DHRS9: variants seen among roughly 807,000 people sequenced by gnomAD.
DHRS9 encodes dehydrogenase/reductase SDR family member 9.
A neutral mutation model predicts 26.6 loss-of-function variants in DHRS9; 18 were observed. That is an observed-to-expected ratio of 0.68 (90% CI 0.47 to 1.00). The LOEUF (loss-of-function observed/expected upper bound fraction) is 1.00, where lower values mean the gene tolerates loss of function less well. Among genes scored for constraint, DHRS9 ranks in the 50% least tolerant of loss-of-function variants. The pLI is 0.00. For synonymous variants in DHRS9, 134 were observed against 141.1 expected (o/e 0.95, Z 0.36); for missense variants, 425 against 378.7 (o/e 1.12, Z -1.01).
At chr2:169,068,891 G>A (rs562364322), upstream of DHRS9, among the ~76,000 whole-genome samples, 13 of 152,234 alleles carry the variant, frequency 8.5e-5, no homozygotes, top group African/African-American at 2.2e-4. Flanking sequence ...TCCCCTCCTC[G>A]CCTGCGGCCT....
Position 169,095,578 on chromosome 2 carries a change from G to A in DHRS9, c.771G>A (p.Val257=), listed in dbSNP as rs1291125569. The change falls in exon 5 of 5, where the codon GTG becomes GTA. Residue 257 remains valine (V), a synonymous_variant. Coordinates refer to ENST00000674881, the MANE Select transcript of DHRS9 (RefSeq NM_001376924.1). ...LDKLKGNKSY[V]NMDLSPVVEC... ...AACTGAAAGGCAATAAATCCTATGT[G>A]AACATGGACCTCTCTCCGGTGGTAG... 6.2e-6 allele frequency: 10 copies of A among 1,613,722 alleles called. No individual in the cohort carries two copies. The highest frequency in any genetic ancestry group is 8.5e-6 in the Non-Finnish European group (10 of 1,179,878).
At chr2:169,079,989 GAAAGAAAGAA>G (rs1684123585) in intron 1 of DHRS9, among the ~76,000 whole-genome samples, 1 of 78,630 alleles carries the variant, frequency 1.3e-5, no homozygotes, top group Non-Finnish European at 2.6e-5. Flanking sequence ...GAGAGAGAAA[GAAAGAAAGAA>G]AGAAAGAAAG....
At chr2:169,093,590 G>A (rs1023138942) in intron 4 of DHRS9, among the ~76,000 whole-genome samples, 12 of 152,154 alleles carry the variant, frequency 7.9e-5, no homozygotes, top group Middle Eastern at 3.4e-3. Context: ...TATTGATACC[G>A]ATACTTTTTA....
chr2:169,094,195 AT>A (rs1391249208), intron 4 of DHRS9, among the ~76,000 whole-genome samples: 6 of 152,024 alleles, frequency 3.9e-5, no homozygotes, highest in African/African-American at 4.8e-5. Flanking sequence ...GGTGACAAAC[AT>A]TTTTTTCATA....
chr2:169,067,817 C>T (rs748353454), upstream of DHRS9, among the ~76,000 whole-genome samples: 5 of 152,108 alleles, frequency 3.3e-5, no homozygotes, highest in Non-Finnish European at 7.4e-5. Context: ...ATTAACTGAT[C>T]GCCTATGTGG....
intron 1 of DHRS9, among the ~76,000 whole-genome samples, chr2:169,079,952 A>C (rs1350857639): frequency 1.3e-5 from 1 of 75,908 alleles, no homozygotes; most frequent in African/African-American, 5.7e-5. Context: ...AGAGAGAGAG[A>C]GAGAGAGAGA....
At chr2:169,085,059 TC>T (rs967301148) in intron 3 of DHRS9, among the ~76,000 whole-genome samples, 1 of 152,146 alleles carries the variant, frequency 6.6e-6, no homozygotes, top group Non-Finnish European at 1.5e-5. Flanking sequence ...CATGTGGACA[TC>T]CAGTTTTCCT....
In DHRS9 at chr2:169,083,617, A is replaced by G. The variant is rs746739019; in HGVS notation, c.572+30A>G. 5 of 1,607,010 alleles carry G rather than the reference A, an allele frequency of 3.1e-6. No homozygotes were observed. The South Asian group carries it at 5.5e-5, about 18-fold the overall frequency. On this transcript the variant is annotated intron_variant, in intron 3 of 4. Coordinates refer to ENST00000674881, the MANE Select transcript of DHRS9 (RefSeq NM_001376924.1). ...ATCAAATTAATCAACTTATTAGGAA[A>G]CAATAGCTGCAAACGTTTACTGAAT...
intron 1 of DHRS9, among the ~76,000 whole-genome samples, chr2:169,077,181 G>A (rs1157889335): frequency 3.3e-5 from 5 of 152,166 alleles, no homozygotes; most frequent in Non-Finnish European, 7.4e-5. Flanking sequence ...TCTAGCTCTG[G>A]TGGAGGCTTG....
At chr2:169,071,683 A>C (rs1683808821) in intron 1 of DHRS9, among the ~76,000 whole-genome samples, 1 of 152,172 alleles carries the variant, frequency 6.6e-6, no homozygotes, top group Non-Finnish European at 1.5e-5. Context: ...GGGCAAATGT[A>C]ACTAACCAGA....
intron 2 of DHRS9, 96 bp downstream of exon 2, chr2:169,081,990 C>T (rs932760922): frequency 6.1e-5 from 76 of 1,255,670 alleles, no homozygotes; most frequent in South Asian, 3.5e-4. Context: ...AATGGCCTTT[C>T]GAGAAAATGT....
In DHRS9 at chr2:169,083,366, C is replaced by T. The variant is rs770007864; in HGVS notation, c.351C>T (p.Gly117=). 1.7e-5 allele frequency: 28 copies of T among 1,613,954 alleles called. No individual in the cohort carries two copies. In the Admixed American group the frequency reaches 2.2e-4, roughly 12 times the overall value. The change falls in exon 3 of 5, where the codon GGC becomes GGT. Residue 117 remains glycine (G), a synonymous_variant. Coordinates refer to ENST00000674881, the MANE Select transcript of DHRS9 (RefSeq NM_001376924.1). ...WGLINNAGVP[G]VLAPTDWLTL... The stretch of plus-strand genomic sequence containing the variant: ...TGATCAATAATGCTGGTGTTCCCGG[C>T]GTGCTGGCTCCCACTGACTGGCTGA...
chr2:169,072,517 A>C, intron 1 of DHRS9: 1 of 654,258 alleles, frequency 1.5e-6, no homozygotes, highest in Middle Eastern at 8.0e-4. Context: ...TTTAAGAAAC[A>C]GAGGAAGGTG....
In DHRS9 at chr2:169,095,854, C is replaced by A; in HGVS notation, c.*87C>A. On this transcript the variant is annotated 3_prime_UTR_variant, in exon 5 of 5. Coordinates refer to ENST00000674881, the MANE Select transcript of DHRS9 (RefSeq NM_001376924.1). ...CCTTTTCAACCCCATTCCTTATCTG[C>A]TCCAACCTGGACTCATTTAGATCGT... The A allele has an allele frequency of 8.3e-7, 1 of 1,205,244 alleles. No homozygotes were observed. The highest frequency in any genetic ancestry group is 1.2e-6 in the Non-Finnish European group (1 of 833,612). 74.7% of individuals were successfully genotyped at this position (1,205,244 alleles called of 1,614,324 possible). A position where few individuals can be genotyped will look rare whatever the true frequency, so the allele number is the denominator to read the frequency against.
intron 1 of DHRS9, among the ~76,000 whole-genome samples, chr2:169,079,166 C>A (rs1047782381): frequency 6.6e-6 from 1 of 151,854 alleles, no homozygotes; most frequent in Non-Finnish European, 1.5e-5. Context: ...ATTCTTTTAT[C>A]ATTTTTTTTT....
At chr2:169,088,067 A>ATTGCAATCC (rs1684407940) in intron 3 of DHRS9, among the ~76,000 whole-genome samples, 2 of 152,130 alleles carry the variant, frequency 1.3e-5, no homozygotes, top group Admixed American at 1.3e-4. Context: ...TTGCCCAGGA[A>ATTGCAATCC]TTGCAATCCT....
At chr2:169,083,134 C>T (rs183219089) in intron 2 of DHRS9, among the ~76,000 whole-genome samples, 195 bp from the exon 3 acceptor site, 3 of 152,166 alleles carry the variant, frequency 2.0e-5, no homozygotes, top group Admixed American at 6.6e-5. Context: ...AGAGTAACAG[C>T]GAGAACTTGA....
intron 3 of DHRS9, among the ~76,000 whole-genome samples, chr2:169,091,224 T>TATAAAATAAAATAAA (rs56686443): frequency 5.1e-4 from 62 of 121,178 alleles, no homozygotes; most frequent in East Asian, 1.6e-3. Flanking sequence ...TGCAGCATGA[T>TATAAAATAAAATAAA]ATAAAATAAA....
intron 4 of DHRS9, among the ~76,000 whole-genome samples, chr2:169,093,973 T>C (rs905009582): frequency 2.0e-5 from 3 of 152,234 alleles, no homozygotes; most frequent in African/African-American, 7.2e-5. Flanking sequence ...GTGAGAATCA[T>C]ATGATAGCTC....
Sources: allele counts gnomAD v4.1 joint callset (sites outside exome capture counted in the v4.1 genomes callset), GRCh38; gene constraint gnomAD v4.1.1; transcripts MANE v1.5; gene names NCBI Gene and HGNC (gene_info 2026-07-23, HGNC 2026-07-21).